DLG2: variants seen among roughly 807,000 people sequenced by gnomAD.
DLG2 encodes the protein discs large MAGUK scaffold protein 2.
In DLG2, 45 loss-of-function variants were observed where a neutral mutation model predicts 132.5. That is an observed-to-expected ratio of 0.34 (90% CI 0.27 to 0.44). The LOEUF is 0.44. Among genes scored for constraint, DLG2 ranks in the 20% least tolerant of loss-of-function variants. DLG2 has a pLI of 1.00. For missense variants in DLG2, 1,045 were observed against 1,196.9 expected (o/e 0.87, Z 1.87); for synonymous variants, 424 against 419.6 (o/e 1.01, Z -0.13).
intron 18 of DLG2, among the ~76,000 whole-genome samples, chr11:83,748,339 A>G (rs770719963): frequency 2.6e-5 from 4 of 152,200 alleles, no homozygotes; most frequent in Admixed American, 6.5e-5. Flanking sequence ...CAGGATGCAT[A>G]TAATCAACTG....
chr11:85,150,321 C>T (rs1310747448), intron 5 of DLG2, among the ~76,000 whole-genome samples: 1 of 151,916 alleles, frequency 6.6e-6, no homozygotes, highest in Non-Finnish European at 1.5e-5. Context: ...TGCCCGGCCT[C>T]CGTTTTTAAA....
At chr11:84,537,500 T>C (rs1216453164) in intron 6 of DLG2, among the ~76,000 whole-genome samples, 1 of 152,206 alleles carries the variant, frequency 6.6e-6, no homozygotes, top group East Asian at 1.9e-4. Flanking sequence ...CTTTTAAAAT[T>C]TGTGGTAAAA....
At chr11:83,618,937 G>GT (rs1412850851) in intron 19 of DLG2, among the ~76,000 whole-genome samples, 2 of 151,982 alleles carry the variant, frequency 1.3e-5, no homozygotes, top group East Asian at 3.9e-4. Context: ...ATTTTCCTCT[G>GT]TTTTTTTGCA....
At chr11:85,519,129 CCACA>C (rs1368162749) in intron 3 of DLG2, among the ~76,000 whole-genome samples, 1 of 152,104 alleles carries the variant, frequency 6.6e-6, no homozygotes, top group Non-Finnish European at 1.5e-5. Context: ...GTTGGAGGCC[CCACA>C]CAGAGTCCCT....
chr11:85,467,239 A>G (rs922347067), intron 3 of DLG2, among the ~76,000 whole-genome samples: 18 of 152,206 alleles, frequency 1.2e-4, no homozygotes, highest in African/African-American at 4.3e-4. Context: ...TAGATATACA[A>G]TCATGTAATC....
chr11:83,755,835 T>C (rs2093623006), intron 18 of DLG2, among the ~76,000 whole-genome samples: 1 of 151,334 alleles, frequency 6.6e-6, no homozygotes, highest in Admixed American at 6.6e-5. Flanking sequence ...ATCTTGAAAT[T>C]TGGCTTTAGG....
intron 9 of DLG2, among the ~76,000 whole-genome samples, chr11:84,139,745 G>C (rs1043009830): frequency 6.6e-6 from 1 of 151,792 alleles, no homozygotes; most frequent in East Asian, 1.9e-4. Context: ...GGCCACACTC[G>C]AAACACTTTG....
intron 7 of DLG2, among the ~76,000 whole-genome samples, chr11:84,526,297 C>A (rs573018879): frequency 4.9e-4 from 74 of 152,196 alleles, no homozygotes; most frequent in Middle Eastern, 3.4e-3. Context: ...ATAATGCTGA[C>A]AAAATTCCAC....
At chr11:84,150,930 G>T (rs1012614719) in intron 9 of DLG2, among the ~76,000 whole-genome samples, 1 of 152,106 alleles carries the variant, frequency 6.6e-6, no homozygotes, top group African/African-American at 2.4e-5. Context: ...CATATATGGA[G>T]CCAACCTCAC....
At chr11:85,431,633 C>A (rs1205220085) in intron 3 of DLG2, among the ~76,000 whole-genome samples, 1 of 152,230 alleles carries the variant, frequency 6.6e-6, no homozygotes, top group Non-Finnish European at 1.5e-5. Flanking sequence ...GCCAACAACT[C>A]CAACCAGGGG....
chr11:85,606,054 C>A (rs2080512807), intron 2 of DLG2, among the ~76,000 whole-genome samples: 1 of 151,892 alleles, frequency 6.6e-6, no homozygotes, highest in Non-Finnish European at 1.5e-5. Flanking sequence ...GGCATACGTA[C>A]AATGTTAACA....
intron 6 of DLG2, among the ~76,000 whole-genome samples, chr11:85,022,301 G>C (rs1038567810): frequency 1.3e-5 from 2 of 151,924 alleles, no homozygotes; most frequent in Non-Finnish European, 2.9e-5. Context: ...CAAAAAACTG[G>C]TAAGAAATAG....
chr11:84,620,078 A>G (rs541258395), intron 6 of DLG2, among the ~76,000 whole-genome samples: 7 of 151,760 alleles, frequency 4.6e-5, no homozygotes, highest in African/African-American at 1.7e-4. Flanking sequence ...GTAGTAATTT[A>G]TTATAAAGAA....
At chr11:83,695,284 C>T (rs2081692898) in intron 18 of DLG2, among the ~76,000 whole-genome samples, 1 of 152,182 alleles carries the variant, frequency 6.6e-6, no homozygotes, top group African/African-American at 2.4e-5. Context: ...CCAGCCCCTG[C>T]CCTTAAGACG....
intron 3 of DLG2, among the ~76,000 whole-genome samples, chr11:85,479,494 C>T (rs767953616): frequency 1.9e-4 from 29 of 152,298 alleles, no homozygotes; most frequent in Non-Finnish European, 3.7e-4. Flanking sequence ...AACATTAAGT[C>T]TATAACAGTA....
intron 6 of DLG2, among the ~76,000 whole-genome samples, chr11:84,986,031 A>T: frequency 6.7e-6 from 1 of 148,736 alleles, no homozygotes; most frequent in Admixed American, 6.7e-5. Flanking sequence ...TGAAGAGAAG[A>T]TAACTAAAAT....
At chr11:83,508,550 A>G (rs919075914) in intron 21 of DLG2, among the ~76,000 whole-genome samples, 4 of 151,374 alleles carry the variant, frequency 2.6e-5, no homozygotes, top group Non-Finnish European at 5.9e-5. Flanking sequence ...GCCAGAATAT[A>G]CATTCTTAAT....
At chr11:84,124,790 AT>A (rs35791302) in intron 9 of DLG2, among the ~76,000 whole-genome samples, 2 of 149,168 alleles carry the variant, frequency 1.3e-5, no homozygotes, top group South Asian at 2.1e-4. Flanking sequence ...TAGTGCCAAC[AT>A]TTTTTTGCGT....
At chr11:84,376,405 T>C (rs771152343) in intron 7 of DLG2, among the ~76,000 whole-genome samples, 13 of 152,006 alleles carry the variant, frequency 8.6e-5, no homozygotes, top group African/African-American at 2.2e-4. Context: ...TAGGATCACA[T>C]TGACCTTAAA....
Sources: allele counts gnomAD v4.1 joint callset (sites outside exome capture counted in the v4.1 genomes callset), GRCh38; gene constraint gnomAD v4.1.1; transcripts MANE v1.5; gene names NCBI Gene and HGNC (gene_info 2026-07-23, HGNC 2026-07-21).